DLEU7: variants seen among roughly 807,000 people sequenced by gnomAD.
DLEU7 encodes deleted in lymphocytic leukemia 7, also known as leukemia-associated protein 7.
A neutral mutation model predicts 16.0 loss-of-function variants in DLEU7; 17 were observed. That is an observed-to-expected ratio of 1.06 (90% confidence interval 0.73 to 1.59). The LOEUF (loss-of-function observed/expected upper bound fraction) is 1.59, where lower values mean the gene tolerates loss of function less well. Ranked by LOEUF, DLEU7 falls within the 40% of genes most tolerant of loss-of-function variation. DLEU7 has a pLI of 0.00. For missense variants in DLEU7, 308 were observed against 314.9 expected, an observed-to-expected ratio of 0.98 and a Z score of 0.17; for synonymous variants, 113 against 139.8, an observed-to-expected ratio of 0.81 and a Z score of 1.35.
intron 1 of DLEU7, among the ~76,000 whole-genome samples, chr13:50,768,272 T>C (rs1250902539): frequency 1.3e-5 from 2 of 152,000 alleles, no homozygotes; most frequent in African/African-American, 4.8e-5. Context: ...TTGGTATTTT[T>C]TTCATTCATG....
chr13:50,713,089 G>A (rs761610599), exon 2 of DLEU7: 2 of 1,100,758 alleles, frequency 1.8e-6, no homozygotes, highest in Non-Finnish European at 2.7e-6. Flanking sequence ...GAAGGCAATG[G>A]AGGCCAACAA....
At chr13:50,772,788 A>G (rs1363662830) in intron 1 of DLEU7, among the ~76,000 whole-genome samples, 2 of 152,040 alleles carry the variant, frequency 1.3e-5, no homozygotes, top group African/African-American at 4.8e-5. Flanking sequence ...CGTTCTCTGT[A>G]TTTCCTGAAT....
chr13:50,731,507 G>A (rs1873910796), intron 1 of DLEU7, among the ~76,000 whole-genome samples: 1 of 152,174 alleles, frequency 6.6e-6, no homozygotes, highest in Admixed American at 6.5e-5. Context: ...TCTCCTCCCT[G>A]GGAATCTGTT....
intron 1 of DLEU7, among the ~76,000 whole-genome samples, chr13:50,787,181 T>C (rs1432435949): frequency 3.3e-5 from 5 of 152,210 alleles, no homozygotes; most frequent in Admixed American, 3.3e-4. Context: ...AAACAGTGCC[T>C]GGCGTTTACT....
intron 1 of DLEU7, among the ~76,000 whole-genome samples, chr13:50,797,359 C>G (rs536822544): frequency 9.2e-5 from 14 of 152,286 alleles, no homozygotes; most frequent in African/African-American, 3.4e-4. Context: ...TGAGAGAAAT[C>G]TAATCTTTTT....
At chr13:50,790,298 TAAAAA>T (rs1875918264) in intron 1 of DLEU7, among the ~76,000 whole-genome samples, 1 of 151,586 alleles carries the variant, frequency 6.6e-6, no homozygotes, top group Non-Finnish European at 1.5e-5. Flanking sequence ...TTTCTTTTGT[TAAAAA>T]TAAAAATAAA....
downstream of DLEU7, chr13:50,711,285 C>G (rs1320877154): frequency 6.6e-6 from 1 of 152,184 alleles, no homozygotes; most frequent in African/African-American, 2.4e-5. Context: ...TCAAAGAACT[C>G]AGCTTTGGCA....
At chr13:50,838,212 CA>C (rs1415083828) in intron 1 of DLEU7, among the ~76,000 whole-genome samples, 1 of 152,182 alleles carries the variant, frequency 6.6e-6, no homozygotes, top group Non-Finnish European at 1.5e-5. Flanking sequence ...ATGAGAAAAC[CA>C]GCAAGGACTA....
rs1018205860 is a variant in DLEU7 at position 50,843,059 on chromosome 13, G to A, written c.459+129C>T. 3 of 964,408 alleles carry A rather than the reference G, an allele frequency of 3.1e-6. No individual in the cohort carries two copies. Among genetic ancestry groups the A allele is most frequent in the Non-Finnish European group, 4.4e-6 (3 of 689,070 alleles). The allele number at this position is 964,408 out of a possible 1,614,324, so 59.7% of individuals were successfully genotyped here. Reference sequence around the variant, plus strand: ...CCCCCGCCCCCTTCCTTCTCCCACTGGGGCTGAATCACAGTGGGCAGCAGT... The same window carrying A: ...CCCCCGCCCCCTTCCTTCTCCCACTAGGGCTGAATCACAGTGGGCAGCAGT... On this transcript the variant is annotated intron_variant, in intron 1 of 1. Coordinates refer to ENST00000504404, the MANE Select transcript of DLEU7 (RefSeq NM_001306135.2). The surrounding 1 kb of genome is among the most constrained non-coding windows in gnomAD (Gnocchi z 5.7).
chr13:50,792,993 C>A (rs1729694336), intron 1 of DLEU7, among the ~76,000 whole-genome samples: 1 of 151,950 alleles, frequency 6.6e-6, no homozygotes, highest in Non-Finnish European at 1.5e-5. Flanking sequence ...ATATAATACC[C>A]CACAGGTAGT....
At chr13:50,766,406 C>T (rs1166654890) in intron 1 of DLEU7, among the ~76,000 whole-genome samples, 1 of 152,202 alleles carries the variant, frequency 6.6e-6, no homozygotes, top group East Asian at 1.9e-4. Flanking sequence ...GATTCAGCTA[C>T]TCCTAGTATG....
intron 1 of DLEU7, among the ~76,000 whole-genome samples, chr13:50,823,759 G>GGCCA (rs1403840936): frequency 1.3e-5 from 2 of 152,142 alleles, no homozygotes; most frequent in African/African-American, 2.4e-5. Context: ...TCTAAGCCAA[G>GGCCA]GCCAATAGGC....
At chr13:50,825,018 A>G (rs1396950670) in intron 1 of DLEU7, among the ~76,000 whole-genome samples, 1 of 152,120 alleles carries the variant, frequency 6.6e-6, no homozygotes, top group Non-Finnish European at 1.5e-5. Flanking sequence ...ATTTTTTTCC[A>G]TGGCTGGTGG....
chr13:50,832,194 C>T (rs1877294086), intron 1 of DLEU7, among the ~76,000 whole-genome samples: 1 of 152,030 alleles, frequency 6.6e-6, no homozygotes, highest in African/African-American at 2.4e-5. Context: ...GATTCGACTT[C>T]TTCATGGTTT....
chr13:50,732,623 A>AAAAAAAAG (rs1315810253), intron 1 of DLEU7, among the ~76,000 whole-genome samples: 10 of 151,592 alleles, frequency 6.6e-5, no homozygotes, highest in African/African-American at 1.9e-4. Context: ...AAAAAAAAAA[A>AAAAAAAAG]AAAGCTTATG....
At chr13:50,809,915 C>G (rs990991658) in intron 1 of DLEU7, among the ~76,000 whole-genome samples, 2 of 151,960 alleles carry the variant, frequency 1.3e-5, no homozygotes, top group Non-Finnish European at 2.9e-5. Context: ...GAAAAGTAAA[C>G]ACGTTAGGGA....
intron 1 of DLEU7, among the ~76,000 whole-genome samples, chr13:50,796,225 T>A (rs1876106788): frequency 6.6e-6 from 1 of 152,130 alleles, no homozygotes. Context: ...CAGTAACAGA[T>A]TAATAATAAC....
intron 1 of DLEU7, among the ~76,000 whole-genome samples, chr13:50,809,164 T>C (rs1017527892): frequency 3.9e-5 from 6 of 152,136 alleles, no homozygotes; most frequent in Admixed American, 6.6e-5. Flanking sequence ...GGCAGCCCCA[T>C]AGGACATATT....
intron 1 of DLEU7, among the ~76,000 whole-genome samples, chr13:50,717,694 G>A (rs1873479063): frequency 6.6e-6 from 1 of 151,780 alleles, no homozygotes; most frequent in African/African-American, 2.4e-5. Flanking sequence ...TGCCAAGACT[G>A]AGAATCTGAT....
Sources: allele counts gnomAD v4.1 joint callset (sites outside exome capture counted in the v4.1 genomes callset), GRCh38; gene constraint gnomAD v4.1.1; non-coding constraint Gnocchi (gnomAD v3.1); transcripts MANE v1.5; gene names NCBI Gene and HGNC (gene_info 2026-07-23, HGNC 2026-07-21).